The following UNC93A variants were observed in gnomAD, a reference collection of about 807,000 sequenced individuals.
UNC93A encodes the protein unc-93 homolog A, also known as N-acetylglucosamine transporter UNC93A.
A neutral mutation model predicts 47.5 loss-of-function variants in UNC93A; 43 were observed. The ratio of observed to expected loss-of-function variants is 0.91; its 90% CI spans 0.71 to 1.17. The LOEUF (loss-of-function observed/expected upper bound fraction) is 1.17. UNC93A is among the 50% of genes most tolerant of loss of function. The pLI is 0.00. For synonymous variants in UNC93A, 280 were observed against 258.0 expected (o/e 1.09, Z -0.82); for missense variants, 605 against 577.6 (o/e 1.05, Z -0.49).
rs3817768 is a variant in UNC93A, at chr6:167,307,765, C to A, written c.977-14C>A. The A allele has an allele frequency of 5.6e-6, 9 of 1,602,948 alleles. No individual in the cohort carries two copies. Among genetic ancestry groups the A allele is most frequent in the South Asian group, 3.3e-5 (3 of 90,706 alleles). On this transcript the variant is annotated splice_polypyrimidine_tract_variant and intron_variant, in intron 6 of 7. Coordinates refer to ENST00000230256, the MANE Select transcript of UNC93A (RefSeq NM_018974.4). ...GGCCCTCATCGCCTGGCGGTTTCCC[C>A]TCTGCACCCCCAGGCGCGGTGACCC...
chr6:167,300,161 A>G (rs1054682826), intron 4 of UNC93A, among the ~76,000 whole-genome samples: 5 of 152,216 alleles, frequency 3.3e-5, no homozygotes, highest in African/African-American at 1.2e-4. Flanking sequence ...TCCAGTGGGC[A>G]GTCTGACGCC....
In UNC93A at chr6:167,301,841, G is replaced by T. The variant is rs77599910; in HGVS notation, c.626-2078G>T. On this transcript the variant is annotated intron_variant, in intron 4 of 7. Coordinates refer to ENST00000230256, the MANE Select transcript of UNC93A (RefSeq NM_018974.4). ...TGGTCTACACACAGTCAGCTCAGGG[G>T]GTCGGCTTGGAAGGGGGCCCTGATC... is the stretch of plus-strand genomic sequence containing the variant. Among the ~76,000 whole-genome samples the T allele has an allele frequency of 3.4e-3, 525 of 152,302 alleles. 8 individuals carry two copies. Among genetic ancestry groups the T allele is most frequent in the African/African-American group, 0.012 (493 of 41,548 alleles).
chr6:167,269,971 C>A (rs570969923), upstream of UNC93A, among the ~76,000 whole-genome samples: 1 of 149,224 alleles, frequency 6.7e-6, no homozygotes, highest in African/African-American at 2.5e-5. Context: ...GTGTTTTGTC[C>A]TGGGCCCCTA....
chr6:167,292,252 G>A (rs1431624734), intron 1 of UNC93A, among the ~76,000 whole-genome samples: 1 of 152,148 alleles, frequency 6.6e-6, no homozygotes, highest in African/African-American at 2.4e-5. Context: ...CAGGGCTATT[G>A]TTACTCCCCC....
chr6:167,294,828 C>A, intron 2 of UNC93A, 130 bp downstream of exon 2: 1 of 978,654 alleles, frequency 1.0e-6, no homozygotes. Context: ...AGCTCTCCTG[C>A]CCCTGCACCC....
At chr6:167,292,098 G>A (rs181046426) in intron 1 of UNC93A, among the ~76,000 whole-genome samples, 148 of 152,250 alleles carry the variant, frequency 9.7e-4, no homozygotes, top group African/African-American at 3.0e-3. Context: ...AAAGCCAAAC[G>A]GCATTCTCCG....
chr6:167,296,202 C>T lies in UNC93A; in HGVS notation c.440C>T (p.Ser147Leu), dbSNP rs372602178. ...GGCATCTTCTTCCTCATATTCCAGT[C>T]ATCCGGTGTGTGGGGCAACTTGATC... ...YFGIFFLIFQ[S>L]SGVWGNLISS... The change falls in exon 3 of 8, where the codon TCA (serine) becomes TTA (leucine). Residue 147 changes from serine to leucine, a missense_variant. Ser to Leu is a moderately radical substitution (Grantham distance 145, BLOSUM62 -2). Coordinates refer to ENST00000230256, the MANE Select transcript of UNC93A (RefSeq NM_018974.4). The T allele has an allele frequency of 1.2e-6, 2 of 1,614,214 alleles. No individual in the cohort carries two copies. The highest frequency in any genetic ancestry group is 1.7e-6 in the Non-Finnish European group (2 of 1,180,056).
In UNC93A at chr6:167,315,180, TC is replaced by T; in HGVS notation, c.1109-6del. The T allele has an allele frequency of 6.2e-7, 1 of 1,613,186 alleles. No homozygotes were observed. Among genetic ancestry groups the T allele is most frequent in the African/African-American group, 1.3e-5 (1 of 74,786 alleles). ...GCAGAGCTCTCACTCCGCTCTCTCC[TC>T]TGCAGCTCTCTACGGCGTTCTGTTT... On this transcript the variant is annotated splice_region_variant and splice_polypyrimidine_tract_variant and intron_variant, in intron 7 of 7. Transcript: ENST00000230256.
chr6:167,291,561 T>C lies in UNC93A; in HGVS notation c.72T>C (p.Gly24=). The C allele has an allele frequency of 6.2e-7, 1 of 1,612,946 alleles. No individual in the cohort carries two copies. The highest frequency in any genetic ancestry group is 8.5e-7 in the Non-Finnish European group (1 of 1,179,530). Residue 24 remains glycine, a synonymous_variant, in exon 1 of 8, where the codon GGT becomes GGC. Coordinates refer to ENST00000230256, the MANE Select transcript of UNC93A (RefSeq NM_018974.4). ...GFLLLFTAYG[G]LQSLQSSLYS... ...TGCTTCTCTTTACAGCCTATGGAGG[T>C]CTGCAGAGCCTGCAGGTATGTGTGT...
chr6:167,280,072 T>C (rs2346166), intron 1 of UNC93A, among the ~76,000 whole-genome samples: 8 of 152,206 alleles, frequency 5.3e-5, no homozygotes, highest in Non-Finnish European at 1.2e-4. Flanking sequence ...ACTTCCTCTT[T>C]AGTTCCTATC....
Position 167,315,552 on chromosome 6 carries a change from A to G in UNC93A, c.*100A>G, listed in dbSNP as rs1778671243. ...TAGAGCGGCTCCTCATCACCATCTC[A>G]GCACAATTTGGCCATTCTGAAGAGA... is the stretch of plus-strand genomic sequence containing the variant. On this transcript the variant is annotated 3_prime_UTR_variant, in exon 8 of 8. Coordinates refer to ENST00000230256, the MANE Select transcript of UNC93A (RefSeq NM_018974.4). The G allele has an allele frequency of 1.3e-6, 2 of 1,568,106 alleles. No individual in the cohort carries two copies. The highest frequency in any genetic ancestry group is 1.7e-6 in the Non-Finnish European group (2 of 1,151,266).
At chr6:167,276,779 A>G (rs1783551030) in intron 1 of UNC93A, among the ~76,000 whole-genome samples, 1 of 152,152 alleles carries the variant, frequency 6.6e-6, no homozygotes, top group Non-Finnish European at 1.5e-5. Flanking sequence ...AAATGTATTT[A>G]TGGGTAGCAT....
intron 1 of UNC93A, among the ~76,000 whole-genome samples, chr6:167,284,391 G>C (rs1306716438): frequency 1.3e-5 from 2 of 152,204 alleles, no homozygotes; most frequent in African/African-American, 4.8e-5. Flanking sequence ...AAGACACTCA[G>C]TTCCTACAAA....
chr6:167,288,799 G>A (rs111940835), upstream of UNC93A, among the ~76,000 whole-genome samples: 2,751 of 152,256 alleles, frequency 0.018, 37 homozygotes, highest in East Asian at 0.072. Flanking sequence ...AGAACGCATG[G>A]CGCCTGTGGT....
At chr6:167,305,867 G>A (rs758112189) in intron 5 of UNC93A, 48 bp from the exon 6 acceptor site, 23 of 1,611,944 alleles carry the variant, frequency 1.4e-5, no homozygotes, top group Middle Eastern at 1.7e-4. Context: ...GCTTGAGCAC[G>A]GGAGGCCTGG....
intron 7 of UNC93A, among the ~76,000 whole-genome samples, chr6:167,310,882 CA>C (rs1298896088): frequency 1.3e-5 from 2 of 151,660 alleles, no homozygotes; most frequent in South Asian, 4.2e-4. Context: ...CTCTGTCTCA[CA>C]AAAAAAATGT....
chr6:167,304,130 A>C lies in UNC93A; in HGVS notation c.837A>C (p.Thr279=), dbSNP rs1778317248. Residue 279 remains threonine (T), a synonymous_variant, in exon 5 of 8, where the codon ACA becomes ACC. Coordinates refer to ENST00000230256, the MANE Select transcript of UNC93A (RefSeq NM_018974.4). ...LQQGFLSSEY[T]RSYVTCTLGI... ...AAGGATTCCTCTCCAGCGAATACAC[A>C]AGGGTATGAACGAAAGTGAGGGCCG... 6.2e-7 allele frequency: 1 copy of C among 1,614,170 alleles called. No homozygotes were observed. Among genetic ancestry groups the C allele is most frequent in the Middle Eastern group, 1.7e-4 (1 of 6,060 alleles).
chr6:167,306,722 C>T (rs868395962), intron 6 of UNC93A, among the ~76,000 whole-genome samples: 37 of 152,282 alleles, frequency 2.4e-4, no homozygotes, highest in South Asian at 1.7e-3. Flanking sequence ...GTCTTCACGG[C>T]GCCCTGTGAA....
chr6:167,297,081 C>T (rs1358436235), intron 3 of UNC93A, among the ~76,000 whole-genome samples: 1 of 152,210 alleles, frequency 6.6e-6, no homozygotes, highest in Non-Finnish European at 1.5e-5. Context: ...AATTTTTACT[C>T]ATTATTGCTG....
Sources: gnomAD v4.1 joint callset for allele counts (sites outside exome capture counted in the v4.1 genomes callset) on GRCh38, gnomAD v4.1.1 for gene constraint, MANE v1.5 for transcripts, NCBI Gene and HGNC (gene_info 2026-07-23, HGNC 2026-07-21) for gene names.